Variants in ALG12 observed in about 807,000 individuals in gnomAD.
ALG12 encodes the protein ALG12 alpha-1,6-mannosyltransferase.
Under a neutral mutation model 46.0 loss-of-function variants are expected in ALG12, and 36 were observed. The ratio of observed to expected loss-of-function variants is 0.78; its 90% confidence interval spans 0.60 to 1.03. The LOEUF (loss-of-function observed/expected upper bound fraction) is 1.03. Among genes scored for constraint, ALG12 ranks in the 50% least tolerant of loss-of-function variants. The pLI, the probability that ALG12 is intolerant of heterozygous loss-of-function variation, is 0.00. For missense variants in ALG12, 599 were observed against 633.5 expected (o/e 0.95, Z 0.58); for synonymous variants, 326 against 291.6 (o/e 1.12, Z -1.20).
At chr22:49,881,920 C>T in the ALG12 span, among the ~76,000 whole-genome samples, 1 of 152,186 alleles carries the variant, frequency 6.6e-6, no homozygotes, top group African/African-American at 2.4e-5. Flanking sequence ...GCATTTATTT[C>T]TGGTGGGAGC....
At chr22:49,912,105 C>T (rs577465503) in intron 3 of ALG12, among the ~76,000 whole-genome samples, 33 of 146,044 alleles carry the variant, frequency 2.3e-4, no homozygotes, top group African/African-American at 7.7e-4. Flanking sequence ...GGATCACCCT[C>T]GGCCCCGGGA....
At chr22:49,893,534 A>C in the ALG12 span, among the ~76,000 whole-genome samples, 1 of 152,178 alleles carries the variant, frequency 6.6e-6, no homozygotes, top group Non-Finnish European at 1.5e-5. Context: ...ATAATTACCA[A>C]TCTAGATTTA....
At position 49,905,614 on chromosome 22, in the gene ALG12, C is replaced by T. The variant is rs1358228281; in HGVS notation, c.993-1108G>A. ...TGCTTTGGCCACATAAAAGCGTGCC[C>T]GCTTCCCTCTCGCCTTCCGCCATAA... On this transcript the variant is annotated intron_variant, in intron 7 of 9. Coordinates refer to ENST00000330817, the MANE Select transcript of ALG12 (RefSeq NM_024105.4). The surrounding 1 kb of genome is among the most constrained non-coding windows in gnomAD (Gnocchi z 4.9). Among the ~76,000 whole-genome samples the T allele has an allele frequency of 1.3e-5, 2 of 152,210 alleles. No individual in the cohort carries two copies. The highest frequency in any genetic ancestry group is 2.4e-5 in the African/African-American group (1 of 41,452).
At chr22:49,880,843 A>C in the ALG12 span, among the ~76,000 whole-genome samples, 1 of 152,178 alleles carries the variant, frequency 6.6e-6, no homozygotes, top group Non-Finnish European at 1.5e-5. Context: ...GTCAACATTG[A>C]GTTTTCTAAT....
chr22:49,892,633 ACT>A, the ALG12 span, among the ~76,000 whole-genome samples: 4 of 151,774 alleles, frequency 2.6e-5, no homozygotes, highest in African/African-American at 7.3e-5. Flanking sequence ...CATTGAGAAA[ACT>A]CTGAGGTTTC....
chr22:49,910,584 C>T lies in ALG12; in HGVS notation c.319G>A (p.Val107Met), dbSNP rs147784926. The stretch of plus-strand genomic sequence containing the variant: ...TGTAACGTCCAGAGTCCAAAAATCA[C>T]GCCGAGTCCAAGCACTCCTCTAACT... ...LIVRGVLGLG[V>M]IFGLWTLQKE... is the part of the protein sequence containing the mutation. The change falls in exon 4 of 10, where the codon GTG (valine) becomes ATG (methionine). Residue 107 changes from valine (V) to methionine (M), a missense_variant. Transcript: ENST00000330817. 193 of 1,614,160 alleles carry T rather than the reference C, an allele frequency of 1.2e-4. 1 individual carries two copies. In the African/African-American group the frequency reaches 2.0e-3, roughly 16 times the overall value.
chr22:49,909,549 G>C (rs1336950093), intron 5 of ALG12, among the ~76,000 whole-genome samples: 1 of 152,110 alleles, frequency 6.6e-6, no homozygotes, highest in East Asian at 1.9e-4. Flanking sequence ...CTGGGTGACA[G>C]AGCAAGACTA....
the ALG12 span, chr22:49,883,649 A>C: frequency 3.9e-6 from 6 of 1,539,180 alleles, no homozygotes; most frequent in African/African-American, 8.2e-5. Context: ...CAGCCGGAGT[A>C]GTTATGGTCA....
chr22:49,887,326 A>C, the ALG12 span: 3 of 802,572 alleles, frequency 3.7e-6, no homozygotes, highest in Non-Finnish European at 5.8e-6. Context: ...CAGTGTCTCC[A>C]CGTGCCTTAC....
the ALG12 span, among the ~76,000 whole-genome samples, chr22:49,863,926 A>T: frequency 6.6e-6 from 1 of 152,206 alleles, no homozygotes; most frequent in East Asian, 1.9e-4. Flanking sequence ...AGCCCCTACA[A>T]GCTGGCTCCT....
chr22:49,866,340 C>G, the ALG12 span, among the ~76,000 whole-genome samples: 4 of 151,972 alleles, frequency 2.6e-5, no homozygotes, highest in African/African-American at 9.7e-5. Flanking sequence ...CTTTACGTGT[C>G]TTTTAAATTG....
chr22:49,889,174 C>A, the ALG12 span: 2 of 167,128 alleles, frequency 1.2e-5, no homozygotes, highest in Admixed American at 1.3e-4. Context: ...TGGACACAGT[C>A]TCTAGTCTCA....
the ALG12 span, among the ~76,000 whole-genome samples, chr22:49,869,417 A>T: frequency 8.5e-5 from 13 of 152,184 alleles, no homozygotes; most frequent in Non-Finnish European, 1.9e-4. Flanking sequence ...TTCATCTCTG[A>T]CTGGAGAACA....
chr22:49,884,753 C>A, the ALG12 span: 1 of 1,594,106 alleles, frequency 6.3e-7, no homozygotes, highest in Non-Finnish European at 8.6e-7. Context: ...TCCTTGCTGC[C>A]GCCGGAGGGG....
chr22:49,880,372 C>T, the ALG12 span, among the ~76,000 whole-genome samples: 3 of 152,242 alleles, frequency 2.0e-5, no homozygotes, highest in Non-Finnish European at 4.4e-5. Flanking sequence ...GAGGAACCTC[C>T]GCAGGTCTGC....
the ALG12 span, among the ~76,000 whole-genome samples, chr22:49,864,146 G>C: frequency 1.3e-5 from 2 of 152,228 alleles, no homozygotes; most frequent in South Asian, 4.1e-4. Flanking sequence ...CTAGGCCTCT[G>C]CTGGAGTGTG....
At position 49,913,456 on chromosome 22, in the gene ALG12, G is replaced by A; in HGVS notation, c.224C>T (p.Ala75Val). 3 of 1,613,990 alleles carry A rather than the reference G, an allele frequency of 1.9e-6. No individual in the cohort carries two copies. The South Asian group carries it at 3.3e-5, about 18-fold the overall frequency. Reference protein sequence around the residue: ...PRTFLGPVVIAVFSSPAVYVL... With the variant: ...PRTFLGPVVIVVFSSPAVYVL... ...GTAAACCGCGGGGCTGGAGAACACTGCGATCACCACTGGCCCGAGGAACGT... is the reference window on the plus strand; with the variant it reads ...GTAAACCGCGGGGCTGGAGAACACTACGATCACCACTGGCCCGAGGAACGT... The change falls in exon 3 of 10, where the codon GCA becomes GTA. Residue 75 changes from alanine (A) to valine (V), a missense_variant. By Grantham distance (64) the Ala-to-Val change is moderately conservative. Coordinates refer to ENST00000330817, the MANE Select transcript of ALG12 (RefSeq NM_024105.4).
At position 49,904,356 on chromosome 22, in the gene ALG12, C is replaced by T; in HGVS notation, c.1143G>A (p.Gln381=). The change falls in exon 8 of 10, where the codon CAG becomes CAA. Residue 381 remains glutamine (Q), a synonymous_variant. Transcript: ENST00000330817. ...ACCCACCTGTCTGGGGGGGCACCAGCTGGTGCAGCCTCTGCATTGCGACGC... is the reference window on the plus strand; with the variant it reads ...ACCCACCTGTCTGGGGGGGCACCAGTTGGTGCAGCCTCTGCATTGCGACGC... The part of the protein sequence containing the change: ...PGGVAMQRLH[Q]LVPPQTDVLL... 2 of 1,614,238 alleles carry T rather than the reference C, an allele frequency of 1.2e-6. No individual in the cohort carries two copies. Among genetic ancestry groups the T allele is most frequent in the Non-Finnish European group, 1.7e-6 (2 of 1,180,042 alleles).
the ALG12 span, among the ~76,000 whole-genome samples, chr22:49,862,195 C>T: frequency 1.1e-3 from 169 of 152,370 alleles, no homozygotes; most frequent in African/African-American, 3.9e-3. Flanking sequence ...TCCCCGAGGG[C>T]GGTTGGCCCT....
Sources: gnomAD v4.1 joint callset for allele counts (sites outside exome capture counted in the v4.1 genomes callset) on GRCh38, gnomAD v4.1.1 for gene constraint, Gnocchi (gnomAD v3.1) non-coding constraint, MANE v1.5 for transcripts, NCBI Gene and HGNC (gene_info 2026-07-23, HGNC 2026-07-21) for gene names.